The following PPP1R14C variants were observed in gnomAD, a reference collection of about 807,000 sequenced individuals.
PPP1R14C encodes the protein protein phosphatase 1 regulatory inhibitor subunit 14C, also known as protein phosphatase 1 regulatory subunit 14C.
PPP1R14C carries 16 observed loss-of-function variants against 20.4 expected under a neutral mutation model. The observed-to-expected ratio is 0.78, with a 90% CI of 0.53 to 1.19. PPP1R14C has a LOEUF of 1.19. PPP1R14C is among the 50% of genes most tolerant of loss of function. The probability of loss-of-function intolerance (pLI) is 0.00; values close to 1 mark genes in which losing one functional copy is unlikely to be tolerated. For synonymous variants in PPP1R14C, 91 were observed against 91.0 expected, an observed-to-expected ratio of 1.00 and a Z score of 0.00; for missense variants, 211 against 220.1, an observed-to-expected ratio of 0.96 and a Z score of 0.26.
chr6:150,206,650 C>T (rs369937269), intron 1 of PPP1R14C, among the ~76,000 whole-genome samples: 5 of 152,150 alleles, frequency 3.3e-5, no homozygotes, highest in Admixed American at 1.3e-4. Flanking sequence ...TGGTCCCTGC[C>T]GGGAGCTCTC....
At chr6:150,217,276 A>G (rs1582923465) in intron 3 of PPP1R14C, among the ~76,000 whole-genome samples, 2 of 148,668 alleles carry the variant, frequency 1.3e-5, no homozygotes, top group African/African-American at 5.0e-5. Flanking sequence ...GCTCACTGCA[A>G]CCTCCGCCTC....
intron 3 of PPP1R14C, among the ~76,000 whole-genome samples, chr6:150,217,989 G>A (rs1427523631): frequency 6.6e-6 from 1 of 152,104 alleles, no homozygotes; most frequent in African/African-American, 2.4e-5. Flanking sequence ...TTTAATTTTA[G>A]CCACCAAAAT....
chr6:150,245,463 C>T (rs1180773911), intron 3 of PPP1R14C, among the ~76,000 whole-genome samples: 1 of 152,204 alleles, frequency 6.6e-6, no homozygotes, highest in African/African-American at 2.4e-5. Context: ...CCCTCCGCCA[C>T]AGTCACCCTG....
intron 1 of PPP1R14C, among the ~76,000 whole-genome samples, chr6:150,207,562 C>T (rs1777969644): frequency 6.6e-6 from 1 of 152,254 alleles, no homozygotes; most frequent in African/African-American, 2.4e-5. Context: ...TGAGCCACAA[C>T]TGTAGAGGAT....
chr6:150,155,983 C>G (rs1445244852), intron 1 of PPP1R14C, among the ~76,000 whole-genome samples: 2 of 133,948 alleles, frequency 1.5e-5, no homozygotes, highest in African/African-American at 5.7e-5. Flanking sequence ...CAAGATCGCA[C>G]CATTGCACTC....
At chr6:150,216,799 T>G (rs755198181) in intron 2 of PPP1R14C, 25 bp from the exon 3 acceptor site, 1 of 1,532,012 alleles carries the variant, frequency 6.5e-7, no homozygotes, top group East Asian at 2.3e-5. Flanking sequence ...ATAATAAAAC[T>G]GATTTTCTGT....
chr6:150,152,343 G>C (rs916713959), intron 1 of PPP1R14C, among the ~76,000 whole-genome samples: 2 of 152,084 alleles, frequency 1.3e-5, no homozygotes, highest in Middle Eastern at 3.2e-3. Context: ...AGCTCCCCAC[G>C]GTGCTTCAGA....
intron 1 of PPP1R14C, among the ~76,000 whole-genome samples, chr6:150,204,247 C>T (rs936988548): frequency 1.2e-4 from 18 of 152,220 alleles, no homozygotes; most frequent in African/African-American, 2.9e-4. Context: ...ACTCGTCTTA[C>T]GAGGACCAAC....
chr6:150,160,520 G>T (rs1213201284), intron 1 of PPP1R14C, among the ~76,000 whole-genome samples: 1 of 150,982 alleles, frequency 6.6e-6, no homozygotes, highest in African/African-American at 2.4e-5. Flanking sequence ...TGATCCACCC[G>T]CCTCGGCCTC....
At chr6:150,233,936 C>T (rs1447930456) in intron 3 of PPP1R14C, among the ~76,000 whole-genome samples, 5 of 152,168 alleles carry the variant, frequency 3.3e-5, no homozygotes, top group East Asian at 3.9e-4. Context: ...CACACTGGAA[C>T]GTTGTAGCTA....
At chr6:150,240,874 A>T (rs985184541) in intron 3 of PPP1R14C, among the ~76,000 whole-genome samples, 1 of 152,226 alleles carries the variant, frequency 6.6e-6, no homozygotes, top group African/African-American at 2.4e-5. Flanking sequence ...TCTCTGCTCC[A>T]GGTCCTTGGC....
chr6:150,202,387 G>C (rs548245654), intron 1 of PPP1R14C, among the ~76,000 whole-genome samples: 1 of 152,194 alleles, frequency 6.6e-6, no homozygotes, highest in Non-Finnish European at 1.5e-5. Flanking sequence ...AGGCTGTCCT[G>C]GTGTCTGGCT....
intron 1 of PPP1R14C, among the ~76,000 whole-genome samples, chr6:150,192,520 T>TGTGTGG (rs1296319413): frequency 6.6e-6 from 1 of 152,108 alleles, no homozygotes; most frequent in Non-Finnish European, 1.5e-5. Context: ...CATGTTCACC[T>TGTGTGG]CCTACTGTGT....
chr6:150,243,174 CTTTTTTTTTT>C (rs574248701), intron 3 of PPP1R14C, among the ~76,000 whole-genome samples: 2 of 129,292 alleles, frequency 1.5e-5, no homozygotes, highest in South Asian at 5.1e-4. Context: ...TCTAAAATTC[CTTTTTTTTTT>C]TTTTTTTTTG....
chr6:150,152,279 C>T (rs920554688), intron 1 of PPP1R14C, among the ~76,000 whole-genome samples: 1 of 152,204 alleles, frequency 6.6e-6, no homozygotes, highest in Non-Finnish European at 1.5e-5. Context: ...ACATGGCGGG[C>T]AGGTGGCAGG....
chr6:150,223,457 T>C (rs148842100), intron 3 of PPP1R14C, among the ~76,000 whole-genome samples: 141 of 152,348 alleles, frequency 9.3e-4, no homozygotes, highest in African/African-American at 3.2e-3. Flanking sequence ...CCATTTTGCA[T>C]TCTCACCAGC....
At chr6:150,168,814 T>A (rs758456168) in intron 1 of PPP1R14C, among the ~76,000 whole-genome samples, 46 of 152,232 alleles carry the variant, frequency 3.0e-4, no homozygotes, top group Non-Finnish European at 5.9e-4. Context: ...TAATTTAATT[T>A]AAAAATTTAG....
At chr6:150,243,328 A>ATT (rs1778454439) in intron 3 of PPP1R14C, among the ~76,000 whole-genome samples, 2 of 152,120 alleles carry the variant, frequency 1.3e-5, no homozygotes, top group Non-Finnish European at 2.9e-5. Context: ...GGCACCTGCC[A>ATT]CCATGCCTGG....
chr6:150,226,021 A>G (rs1400724496), intron 3 of PPP1R14C, among the ~76,000 whole-genome samples: 1 of 152,188 alleles, frequency 6.6e-6, no homozygotes, highest in African/African-American at 2.4e-5. Context: ...CTTTGGGTCT[A>G]CGGCTTCATC....
Sources: allele counts gnomAD v4.1 joint callset (sites outside exome capture counted in the v4.1 genomes callset), GRCh38; gene constraint gnomAD v4.1.1; transcripts MANE v1.5; gene names NCBI Gene and HGNC (gene_info 2026-07-23, HGNC 2026-07-21).